USP32: variants seen among roughly 807,000 people sequenced by gnomAD.
The protein encoded by USP32 is ubiquitin carboxyl-terminal hydrolase 32.
Under a neutral mutation model 204.8 loss-of-function variants are expected in USP32, and 59 were observed. That is an observed-to-expected ratio of 0.29 (90% CI 0.23 to 0.36). USP32 has a LOEUF of 0.36. USP32 is among the 10% of genes least tolerant of loss of function. The pLI, the probability that USP32 is intolerant of heterozygous loss-of-function variation, is 1.00. For synonymous variants in USP32, 517 were observed against 678.4 expected (o/e 0.76, Z 3.70); for missense variants, 1,160 against 1,946.4 (o/e 0.60, Z 7.60).
At chr17:60,308,436 G>A (rs566037729) in intron 2 of USP32, among the ~76,000 whole-genome samples, 12 of 152,130 alleles carry the variant, frequency 7.9e-5, no homozygotes, top group Non-Finnish European at 1.3e-4. Flanking sequence ...ACCCTGTGAG[G>A]GGGACAAGGG....
chr17:60,374,713 A>AATG (rs2089506824), intron 1 of USP32, among the ~76,000 whole-genome samples: 1 of 152,178 alleles, frequency 6.6e-6, no homozygotes, highest in Non-Finnish European at 1.5e-5. Context: ...ACTCTAAAAT[A>AATG]ATGATTAAAG....
intron 11 of USP32, among the ~76,000 whole-genome samples, chr17:60,246,551 A>G (rs938586261): frequency 6.6e-6 from 1 of 152,126 alleles, no homozygotes; most frequent in Admixed American, 6.5e-5. Context: ...TCTTCTGAAT[A>G]TATACCCAGC....
At chr17:60,286,929 C>T (rs912714920) in intron 5 of USP32, among the ~76,000 whole-genome samples, 34 of 152,210 alleles carry the variant, frequency 2.2e-4, no homozygotes, top group South Asian at 2.1e-4. Context: ...GGGTGGATCA[C>T]TTGAGGTCAG....
At chr17:60,386,621 T>A (rs2089736715) in intron 1 of USP32, among the ~76,000 whole-genome samples, 1 of 152,166 alleles carries the variant, frequency 6.6e-6, no homozygotes, top group South Asian at 2.1e-4. Context: ...CTTACACATC[T>A]TTCTGGAAGG....
chr17:60,245,258 A>G, intron 11 of USP32: 1 of 195,314 alleles, frequency 5.1e-6, no homozygotes, highest in Non-Finnish European at 1.0e-5. Context: ...TTATGGTTTT[A>G]TTTAAACATA....
At chr17:60,256,366 T>A (rs1435400354) in intron 9 of USP32, among the ~76,000 whole-genome samples, 1 of 152,214 alleles carries the variant, frequency 6.6e-6, no homozygotes, top group East Asian at 1.9e-4. Context: ...ATCTTTCTTA[T>A]CATGATCACT....
chr17:60,274,016 AGATGAT>A (rs1188426197), intron 5 of USP32, among the ~76,000 whole-genome samples: 2 of 151,948 alleles, frequency 1.3e-5, no homozygotes, highest in Non-Finnish European at 1.5e-5. Flanking sequence ...TAGAAATAAC[AGATGAT>A]GTAATTAACA....
Position 60,189,182 on chromosome 17 carries a change from T to C in USP32, c.3642+1381A>G, listed in dbSNP as rs1232524665. 3.3e-5 allele frequency among the ~76,000 whole-genome samples: 5 copies of C among 152,380 alleles called. No homozygotes were observed. The East Asian group carries it at 9.6e-4, about 29-fold the overall frequency. The stretch of plus-strand genomic sequence containing the variant: ...GAGCATGATCTAGAACATTAGTTTC[T>C]CTTCAGCTTTCTTTAGCTTTAGCCT... On this transcript the variant is annotated intron_variant, in intron 29 of 33. Transcript: ENST00000300896.
At chr17:60,312,219 A>T (rs1177407901) in intron 2 of USP32, among the ~76,000 whole-genome samples, 1 of 152,204 alleles carries the variant, frequency 6.6e-6, no homozygotes, top group Non-Finnish European at 1.5e-5. Flanking sequence ...CGGAAACCAG[A>T]GTTTGAAGTC....
At chr17:60,391,217 G>A (rs1278305068) in intron 1 of USP32, among the ~76,000 whole-genome samples, 2 of 152,236 alleles carry the variant, frequency 1.3e-5, no homozygotes, top group Non-Finnish European at 2.9e-5. Flanking sequence ...CGTCGGAGGA[G>A]ATGAAACCTA....
At chr17:60,217,925 A>C (rs2085146820) in intron 16 of USP32, among the ~76,000 whole-genome samples, 1 of 151,214 alleles carries the variant, frequency 6.6e-6, no homozygotes, top group African/African-American at 2.4e-5. Context: ...TTTTGTAGAG[A>C]CAGGATCTTA....
chr17:60,294,713 G>C lies in USP32; in HGVS notation c.381C>G (p.Val127=). The change falls in exon 4 of 34, where the codon GTC becomes GTG. Residue 127 remains valine, a synonymous_variant. Coordinates refer to ENST00000300896, the MANE Select transcript of USP32 (RefSeq NM_032582.4). ...ERMLHVVDGK[V]PDTLRKCFSE... ...AGAAACACTTCCTGAGTGTATCTGG[G>C]ACTTTACCATCCACCACGTGGAGCA... 6.2e-7 allele frequency: 1 copy of C among 1,611,922 alleles called. No homozygotes were observed. Among genetic ancestry groups the C allele is most frequent in the Non-Finnish European group, 8.5e-7 (1 of 1,178,590 alleles).
intron 1 of USP32, among the ~76,000 whole-genome samples, chr17:60,419,650 G>A (rs1039668335): frequency 2.7e-5 from 4 of 150,280 alleles, no homozygotes; most frequent in Admixed American, 6.7e-5. Context: ...AGAGAATGGC[G>A]TGAACCCGGG....
At chr17:60,366,690 C>T (rs563912920) in intron 1 of USP32, among the ~76,000 whole-genome samples, 1 of 151,432 alleles carries the variant, frequency 6.6e-6, no homozygotes, top group African/African-American at 2.4e-5. Flanking sequence ...CACTTGAGCC[C>T]AAGAGCTTGA....
Position 60,192,928 on chromosome 17 carries a change from T to A in USP32, c.3437A>T (p.Asp1146Val). 6.2e-7 allele frequency: 1 copy of A among 1,613,584 alleles called. No homozygotes were observed. The highest frequency in any genetic ancestry group is 8.5e-7 in the Non-Finnish European group (1 of 1,179,558). Residue 1146 changes from aspartate (D) to valine (V), a missense_variant and splice_region_variant, in exon 28 of 34, where the codon GAC becomes GTC. Physicochemically the swap from Asp to Val is radical, Grantham distance 152. This residue lies in a region of USP32 where 160 missense variants were observed against 322.5 expected (regional missense o/e 0.50). Coordinates refer to ENST00000300896, the MANE Select transcript of USP32 (RefSeq NM_032582.4). ...QEASNHAQDC[D>V]DSMGYQYPFT... ...TGGATATTGATAGCCCATACTGTCG[T>A]CACTGAAACAGAAGAGAACAAAAAG...
upstream of USP32, among the ~76,000 whole-genome samples, chr17:60,394,888 C>T (rs1384623506): frequency 2.6e-5 from 4 of 152,008 alleles, no homozygotes; most frequent in Non-Finnish European, 4.4e-5. Flanking sequence ...GGATTATAGG[C>T]GCACACCATC....
Position 60,392,082 on chromosome 17 carries a change from C to T in USP32, c.-143G>A, listed in dbSNP as rs1251237490. On this transcript the variant is annotated 5_prime_UTR_variant, in exon 1 of 34. Transcript: ENST00000300896. ...CCCCCCACACTAACAAGTGCGGCTT[C>T]TGCCCCGGCGGCTCCTCCCGGTCGC... 6 of 930,290 alleles carry T rather than the reference C, an allele frequency of 6.4e-6. No homozygotes were observed. The East Asian group carries it at 1.5e-4, about 24-fold the overall frequency. 57.6% of individuals were successfully genotyped at this position (930,290 alleles called of 1,614,324 possible).
chr17:60,330,044 C>A (rs1273048325), intron 2 of USP32, among the ~76,000 whole-genome samples: 1 of 152,168 alleles, frequency 6.6e-6, no homozygotes, highest in East Asian at 1.9e-4. Flanking sequence ...ACTCCCTTTC[C>A]ACTCACTAGC....
intron 2 of USP32, among the ~76,000 whole-genome samples, chr17:60,333,519 G>A (rs535535155): frequency 6.6e-6 from 1 of 152,274 alleles, no homozygotes; most frequent in East Asian, 1.9e-4. Flanking sequence ...AGAGTCACTT[G>A]AACCCGGGAG....
Sources: gnomAD v4.1 joint callset for allele counts (sites outside exome capture counted in the v4.1 genomes callset) on GRCh38, gnomAD v4.1.1 for gene constraint, gnomAD v4.1.1 regional missense constraint, MANE v1.5 for transcripts, NCBI Gene and HGNC (gene_info 2026-07-23, HGNC 2026-07-21) for gene names.